LTBP3: variants seen among roughly 807,000 people sequenced by gnomAD.
LTBP3 encodes the protein latent transforming growth factor beta binding protein 3.
A neutral mutation model predicts 159.7 loss-of-function variants in LTBP3; 97 were observed. That is an observed-to-expected ratio of 0.61 (90% CI 0.52 to 0.72). The LOEUF (loss-of-function observed/expected upper bound fraction) is 0.72, where lower values mean the gene tolerates loss of function less well. Among genes scored for constraint, LTBP3 ranks in the 30% least tolerant of loss-of-function variants. The pLI, the probability that LTBP3 is intolerant of heterozygous loss-of-function variation, is 0.00. For missense variants in LTBP3, 1,584 were observed against 1,864.3 expected (o/e 0.85, Z 2.77); for synonymous variants, 824 against 777.1 (o/e 1.06, Z -1.00).
Position 65,538,881 on chromosome 11 carries a change from G to A in LTBP3, c.*199C>T, listed in dbSNP as rs1202423713. 5 of 1,030,938 alleles carry A rather than the reference G, an allele frequency of 4.8e-6. No homozygotes were observed. Among genetic ancestry groups the A allele is most frequent in the South Asian group, 2.2e-5 (1 of 44,516 alleles). 63.9% of individuals were successfully genotyped at this position (1,030,938 alleles called of 1,614,324 possible). The stretch of plus-strand genomic sequence containing the variant: ...ACCCTCTGGGAGGAAGGCAGGCAGC[G>A]CCCGCCGGAGACCTTACAACCGCCC... On this transcript the variant is annotated 3_prime_UTR_variant, in exon 28 of 28. Coordinates refer to ENST00000301873, the MANE Select transcript of LTBP3 (RefSeq NM_001130144.3).
rs1223295620 is a variant in LTBP3 at position 65,540,317 on chromosome 11, A to G, written c.3172T>C (p.Tyr1058His). The change falls in exon 23 of 28, where the codon TAC becomes CAC. Residue 1058 changes from tyrosine (Y) to histidine (H), a missense_variant. Transcript: ENST00000301873. ...GCAGGGGGCGTGCAGGCACAGCGGT[A>G]GCCGCCGCGCGTGTTCTCACACACT... ...NGVCENTRGG[Y>H]RCACTPPAEY... 6.4e-7 allele frequency: 1 copy of G among 1,571,562 alleles called. No homozygotes were observed. Among genetic ancestry groups the G allele is most frequent in the Admixed American group, 1.9e-5 (1 of 52,070 alleles).
In LTBP3 at chr11:65,540,685, C is replaced by T. The variant is rs541324177; in HGVS notation, c.2978-71G>A. The T allele has an allele frequency of 1.6e-5, 23 of 1,476,326 alleles. No homozygotes were observed. The East Asian group carries it at 3.9e-4, about 25-fold the overall frequency. The allele number at this position is 1,476,326 out of a possible 1,614,324, so 91.5% of individuals were successfully genotyped here. A position where few individuals can be genotyped will look rare whatever the true frequency, so the allele number is the denominator to read the frequency against. On this transcript the variant is annotated intron_variant, in intron 21 of 27. Coordinates refer to ENST00000301873, the MANE Select transcript of LTBP3 (RefSeq NM_001130144.3). ...CCGGAGGCGTGGGCTGGGCGCACCACCGGAGCGAAGCCATCCCCGGGCGGG... is the reference window on the plus strand; with the variant it reads ...CCGGAGGCGTGGGCTGGGCGCACCATCGGAGCGAAGCCATCCCCGGGCGGG...
rs1176765358 is a variant in LTBP3, at chr11:65,553,918, G to A, written c.662-15C>T. 8.6e-6 allele frequency: 13 copies of A among 1,514,516 alleles called. No individual in the cohort carries two copies. Among genetic ancestry groups the A allele is most frequent in the Non-Finnish European group, 1.1e-5 (12 of 1,129,026 alleles). 93.8% of individuals were successfully genotyped at this position (1,514,516 alleles called of 1,614,324 possible). A position where few individuals can be genotyped will look rare whatever the true frequency, so the allele number is the denominator to read the frequency against. ...CGGGGCCTGCACTGGGGGCGGGCGCGGTGGCCTCAGGGCTGCCCGCACCGC... is the reference window on the plus strand; with the variant it reads ...CGGGGCCTGCACTGGGGGCGGGCGCAGTGGCCTCAGGGCTGCCCGCACCGC... On this transcript the variant is annotated splice_polypyrimidine_tract_variant and intron_variant, in intron 2 of 27. Transcript: ENST00000301873. The surrounding 1 kb of genome is among the most constrained non-coding windows in gnomAD (Gnocchi z 6.5).
Position 65,547,425 on chromosome 11 carries a change from TG to T in LTBP3, c.2107+13del. ...TAAGGAGCTCCTTCTTTGGTCTGAATGGGGTCCCCTCACCTTCGCACACAGG... is the reference window on the plus strand; with the variant it reads ...TAAGGAGCTCCTTCTTTGGTCTGAATGGGTCCCCTCACCTTCGCACACAGG... On this transcript the variant is annotated intron_variant, in intron 14 of 27. Transcript: ENST00000301873. The surrounding 1 kb of genome is among the most constrained non-coding windows in gnomAD (Gnocchi z 4.6). 6.2e-7 allele frequency: 1 copy of T among 1,612,116 alleles called. No homozygotes were observed. The highest frequency in any genetic ancestry group is 8.5e-7 in the Non-Finnish European group (1 of 1,179,858).
At position 65,551,143 on chromosome 11, in the gene LTBP3, G is replaced by T; in HGVS notation, c.1703C>A (p.Ala568Asp). 1 of 1,553,804 alleles carries T rather than the reference G, an allele frequency of 6.4e-7. No individual in the cohort carries two copies. The change falls in exon 11 of 28, where the codon GCT becomes GAT. Residue 568 changes from alanine (A) to aspartate (D), a missense_variant. Physicochemically the swap from Ala to Asp is moderately radical, Grantham distance 126. Around this residue, in one of 6 missense-constraint regions of LTBP3, gnomAD observed 565 missense variants for 677.7 expected, o/e 0.83. Transcript: ENST00000301873. ...GGCCTTACCTGTGACCTGAGTGGGA[G>T]CGATCTCTACGGCGCTGCGGGAAGG... Reference protein sequence around the residue: ...LPPSRSAVEIAPTQVTETDEC... With the variant: ...LPPSRSAVEIDPTQVTETDEC...
At chr11:65,551,082 G>A (rs1856592502) in intron 11 of LTBP3, 44 bp downstream of exon 11, 17 of 1,485,696 alleles carry the variant, frequency 1.1e-5, no homozygotes, top group East Asian at 2.5e-5. Flanking sequence ...AACTAAAGTG[G>A]GGGCGTGGCC....
chr11:65,541,470 C>T, intron 19 of LTBP3, 130 bp downstream of exon 19: 2 of 1,508,568 alleles, frequency 1.3e-6, no homozygotes, highest in Non-Finnish European at 1.8e-6. Flanking sequence ...CCCCACCAGA[C>T]TCCCCCAGCC....
chr11:65,539,766 G>A lies in LTBP3; in HGVS notation c.3501C>T (p.Gly1167=), dbSNP rs772160343. 5 of 1,545,300 alleles carry A rather than the reference G, an allele frequency of 3.2e-6. No homozygotes were observed. Among genetic ancestry groups the A allele is most frequent in the Non-Finnish European group, 4.3e-6 (5 of 1,152,716 alleles). Residue 1167 remains glycine (G), a synonymous_variant, in exon 25 of 28, where the codon GGC becomes GGT. Coordinates refer to ENST00000301873, the MANE Select transcript of LTBP3 (RefSeq NM_001130144.3). ...GTCGGCATTGGGCGCCCCAGCCGCG[G>A]CCCTGGCGGCAGCAGCAGTCGTCGA... The part of the protein sequence containing the change: ...LTFDDCCCRQ[G]RGWGAQCRPC...
chr11:65,550,531 A>G (rs970002266), intron 11 of LTBP3, among the ~76,000 whole-genome samples: 3 of 152,118 alleles, frequency 2.0e-5, no homozygotes, highest in Admixed American at 6.6e-5. Flanking sequence ...ACAGATTTTG[A>G]AAGATGGTTA....
At chr11:65,555,678 G>A (rs1274511071) in intron 1 of LTBP3, among the ~76,000 whole-genome samples, 1 of 152,200 alleles carries the variant, frequency 6.6e-6, no homozygotes, top group Admixed American at 6.5e-5. Flanking sequence ...CTGAGGGAGA[G>A]GATGGGACCT....
At position 65,547,046 on chromosome 11, in the gene LTBP3, G is replaced by T; in HGVS notation, c.2108-126C>A. 1.4e-6 allele frequency: 2 copies of T among 1,379,492 alleles called. No homozygotes were observed. The highest frequency in any genetic ancestry group is 2.0e-5 in the Admixed American group (1 of 49,412). 85.5% of individuals were successfully genotyped at this position (1,379,492 alleles called of 1,614,324 possible). A position where few individuals can be genotyped will look rare whatever the true frequency, so the allele number is the denominator to read the frequency against. On this transcript the variant is annotated intron_variant, in intron 14 of 27. Transcript: ENST00000301873. The surrounding 1 kb of genome is among the most constrained non-coding windows in gnomAD (Gnocchi z 4.6). ...GGCTCCCGGACCCCAACCTCTGAGAGGCCCAGAGCCGAGCATACAGGCCGG... is the reference window on the plus strand; with the variant it reads ...GGCTCCCGGACCCCAACCTCTGAGATGCCCAGAGCCGAGCATACAGGCCGG...
Position 65,551,196 on chromosome 11 carries a change from G to T in LTBP3, c.1650C>A (p.Thr550=). ...PELISRPSPP[T]MRWFLPDLPP... ...GCAAGTCCGGCAGGAACCAGCGCATGGTCGGGGGCGAGGGACGGGAGATCA... is the reference window on the plus strand; with the variant it reads ...GCAAGTCCGGCAGGAACCAGCGCATTGTCGGGGGCGAGGGACGGGAGATCA... Residue 550 remains threonine, a synonymous_variant, in exon 11 of 28, where the codon ACC becomes ACA. Coordinates refer to ENST00000301873, the MANE Select transcript of LTBP3 (RefSeq NM_001130144.3). 6.5e-7 allele frequency: 1 copy of T among 1,550,266 alleles called. No homozygotes were observed. The highest frequency in any genetic ancestry group is 1.4e-5 in the African/African-American group (1 of 73,218).
Position 65,552,415 on chromosome 11 carries a change from G to T in LTBP3, c.1187-9C>A, listed in dbSNP as rs753155520. 2 of 1,612,088 alleles carry T rather than the reference G, an allele frequency of 1.2e-6. No individual in the cohort carries two copies. Among genetic ancestry groups the T allele is most frequent in the Admixed American group, 3.3e-5 (2 of 60,020 alleles). On this transcript the variant is annotated splice_polypyrimidine_tract_variant and intron_variant, in intron 6 of 27. Transcript: ENST00000301873. This position sits in a 1 kb window ranked among gnomAD's most constrained non-coding sequence, Gnocchi z 6.0. ...CTCCTCCGGTTTGTCTGCTGCAGGG[G>T]CCAGTGGGGGGCATGGGCATCTGAG...
In LTBP3 at chr11:65,547,703, C is replaced by T. The variant is rs747104260; in HGVS notation, c.1965G>A (p.Gly655=). ...GGCGGCGCTCACCCACGCACGAGCG[C>T]CCCCCGGCGCCCACGTGCAGGCGGT... is the stretch of plus-strand genomic sequence containing the variant. The part of the protein sequence containing the change: ...RGYRLHVGAG[G]RSCVDLNECA... Residue 655 remains glycine (G), a synonymous_variant, in exon 13 of 28, where the codon GGG becomes GGA. Transcript: ENST00000301873. The surrounding 1 kb of genome is among the most constrained non-coding windows in gnomAD (Gnocchi z 4.6). 2.5e-6 allele frequency: 4 copies of T among 1,604,038 alleles called. No individual in the cohort carries two copies. Among genetic ancestry groups the T allele is most frequent in the Non-Finnish European group, 3.4e-6 (4 of 1,177,096 alleles).
rs1462229438 is a variant in LTBP3, at chr11:65,554,194, G to A, written c.518C>T (p.Ala173Val). 6.2e-7 allele frequency: 1 copy of A among 1,611,250 alleles called. No homozygotes were observed. ...ALSTGALPPLAPEGDSVASKH... is the reference protein window; with the variant it reads ...ALSTGALPPLVPEGDSVASKH... ...GCTGGCCACAGAGTCGCCCTCCGGAGCCAGGGGCGGCAGCGCCCCTGTGGA... is the reference window on the plus strand; with the variant it reads ...GCTGGCCACAGAGTCGCCCTCCGGAACCAGGGGCGGCAGCGCCCCTGTGGA... The change falls in exon 2 of 28, where the codon GCT becomes GTT. Residue 173 changes from alanine (A) to valine (V), a missense_variant. This residue lies in a region of LTBP3 where 194 missense variants were observed against 198.7 expected (regional missense o/e 0.98). Coordinates refer to ENST00000301873, the MANE Select transcript of LTBP3 (RefSeq NM_001130144.3). This position sits in a 1 kb window ranked among gnomAD's most constrained non-coding sequence, Gnocchi z 5.3.
At chr11:65,551,369 C>T (rs1423726100) in intron 10 of LTBP3, 33 bp downstream of exon 10, 1 of 1,608,528 alleles carries the variant, frequency 6.2e-7, no homozygotes, top group Admixed American at 1.7e-5. Flanking sequence ...TGATTTAGCC[C>T]TTGAGGACTC....
chr11:65,553,391 A>C lies in LTBP3; in HGVS notation c.970+34T>G. The C allele has an allele frequency of 6.4e-7, 1 of 1,564,702 alleles. No homozygotes were observed. The highest frequency in any genetic ancestry group is 8.8e-7 in the Non-Finnish European group (1 of 1,138,352). ...GTGGGGTGGGTGGGGAGGGGCCACC[A>C]GATAGGGAACGCCCCCTGAGCCCAA... On this transcript the variant is annotated intron_variant, in intron 4 of 27. Coordinates refer to ENST00000301873, the MANE Select transcript of LTBP3 (RefSeq NM_001130144.3). This position sits in a 1 kb window ranked among gnomAD's most constrained non-coding sequence, Gnocchi z 6.5.
rs568726884 is a variant in LTBP3 at position 65,538,713 on chromosome 11, G to A, written c.*367C>T. On this transcript the variant is annotated 3_prime_UTR_variant, in exon 28 of 28. Coordinates refer to ENST00000301873, the MANE Select transcript of LTBP3 (RefSeq NM_001130144.3). ...ATAAATTCTATTTCACACCCCTTGT[G>A]CCGGGCTCAGTCTAGCCCCTGGGAG... 4.0e-5 allele frequency: 46 copies of A among 1,148,200 alleles called. No individual in the cohort carries two copies. The highest frequency in any genetic ancestry group is 2.6e-4 in the East Asian group (10 of 38,450). 71.1% of individuals were successfully genotyped at this position (1,148,200 alleles called of 1,614,324 possible). A position where few individuals can be genotyped will look rare whatever the true frequency, so the allele number is the denominator to read the frequency against.
intron 18 of LTBP3, chr11:65,542,004 C>T: frequency 2.3e-6 from 1 of 429,178 alleles, no homozygotes; most frequent in Non-Finnish European, 4.4e-6. Context: ...GCTTCCGATA[C>T]CTTTAGGTCT....
Sources: gnomAD v4.1 joint callset for allele counts (sites outside exome capture counted in the v4.1 genomes callset) on GRCh38, gnomAD v4.1.1 for gene constraint, gnomAD v4.1.1 regional missense constraint, Gnocchi (gnomAD v3.1) non-coding constraint, MANE v1.5 for transcripts, NCBI Gene and HGNC (gene_info 2026-07-23, HGNC 2026-07-21) for gene names.